Variants in HSDL2 observed in about 807,000 individuals in gnomAD.
The protein encoded by HSDL2 is hydroxysteroid dehydrogenase like 2.
A neutral mutation model predicts 46.3 loss-of-function variants in HSDL2; 27 were observed. That is an observed-to-expected ratio of 0.58 (90% CI 0.43 to 0.80). The LOEUF (loss-of-function observed/expected upper bound fraction) is 0.80. HSDL2 is among the 30% of genes least tolerant of loss of function. The pLI is 0.00. For missense variants in HSDL2, 451 were observed against 502.7 expected, an observed-to-expected ratio of 0.90 and a Z score of 0.98; for synonymous variants, 153 against 163.6, an observed-to-expected ratio of 0.94 and a Z score of 0.50.
chr9:112,457,308 T>A (rs1833060934), intron 9 of HSDL2, among the ~76,000 whole-genome samples: 2 of 152,150 alleles, frequency 1.3e-5, no homozygotes, highest in African/African-American at 4.8e-5. Flanking sequence ...GCTGAAGCAG[T>A]CTCTGCCCCT....
intron 1 of HSDL2, among the ~76,000 whole-genome samples, chr9:112,399,887 G>A (rs974267409): frequency 2.0e-5 from 3 of 151,948 alleles, no homozygotes; most frequent in African/African-American, 4.8e-5. Flanking sequence ...TTTACAATCA[G>A]TTTGTACAGT....
intron 6 of HSDL2, among the ~76,000 whole-genome samples, chr9:112,425,495 C>A (rs1258908599): frequency 1.3e-5 from 2 of 152,046 alleles, no homozygotes; most frequent in African/African-American, 4.8e-5. Flanking sequence ...AAGTAATCTA[C>A]CTAGATACTC....
chr9:112,406,422 T>G (rs1259408827), intron 3 of HSDL2, among the ~76,000 whole-genome samples: 1 of 152,078 alleles, frequency 6.6e-6, no homozygotes, highest in East Asian at 1.9e-4. Context: ...CAAAGTCAGT[T>G]CCCTCACCAT....
At chr9:112,465,460 T>C (rs1190430570) in intron 10 of HSDL2, among the ~76,000 whole-genome samples, 1 of 152,118 alleles carries the variant, frequency 6.6e-6, no homozygotes, top group Non-Finnish European at 1.5e-5. Flanking sequence ...TACAGTTCAG[T>C]GACATTTAAT....
chr9:112,391,964 C>A (rs376812632), intron 1 of HSDL2, among the ~76,000 whole-genome samples: 3 of 151,850 alleles, frequency 2.0e-5, no homozygotes, highest in Non-Finnish European at 2.9e-5. Flanking sequence ...ATTGGGGGAA[C>A]CTGCCCCAAG....
chr9:112,402,316 G>A (rs991836821), intron 1 of HSDL2, among the ~76,000 whole-genome samples: 21 of 152,104 alleles, frequency 1.4e-4, no homozygotes, highest in Non-Finnish European at 1.6e-4. Flanking sequence ...TGAAATGGGG[G>A]GAGGCCAGGG....
At chr9:112,457,657 A>AT (rs1270910875) in intron 9 of HSDL2, among the ~76,000 whole-genome samples, 1 of 152,164 alleles carries the variant, frequency 6.6e-6, no homozygotes, top group Admixed American at 6.5e-5. Flanking sequence ...AAAATTAAAA[A>AT]TCAAGCAATC....
intron 1 of HSDL2, among the ~76,000 whole-genome samples, chr9:112,382,952 T>G (rs1193756754): frequency 6.6e-6 from 1 of 152,058 alleles, no homozygotes; most frequent in Non-Finnish European, 1.5e-5. Context: ...TTTTTTTTTT[T>G]TTTTGAGATG....
intron 4 of HSDL2, among the ~76,000 whole-genome samples, chr9:112,411,606 C>T (rs564527501): frequency 2.6e-5 from 4 of 152,114 alleles, no homozygotes; most frequent in East Asian, 1.9e-4. Flanking sequence ...ACCCAGGAGG[C>T]GGAGGCTGCA....
intron 1 of HSDL2, 47 bp from the exon 2 acceptor site, chr9:112,403,948 A>G (rs377428344): frequency 1.1e-5 from 17 of 1,568,162 alleles, no homozygotes; most frequent in Non-Finnish European, 1.4e-5. Flanking sequence ...CCTGTCAGTA[A>G]ATAAAACATT....
chr9:112,446,868 A>G (rs1379676292), intron 8 of HSDL2, among the ~76,000 whole-genome samples: 1 of 152,184 alleles, frequency 6.6e-6, no homozygotes, highest in African/African-American at 2.4e-5. Flanking sequence ...GAAAAGTAGC[A>G]TGTGTAAAAC....
chr9:112,467,780 T>C (rs1274309062), intron 10 of HSDL2, among the ~76,000 whole-genome samples: 1 of 152,192 alleles, frequency 6.6e-6, no homozygotes, highest in Non-Finnish European at 1.5e-5. Context: ...ATGTATCAGC[T>C]TGTGTCAGTC....
chr9:112,416,894 A>G lies in HSDL2; in HGVS notation c.449A>G (p.Asn150Ser), dbSNP rs775369498. ...LKKSKVAHIL[N>S]ISPPLNLNPV... is the part of the protein sequence containing the mutation. The stretch of plus-strand genomic sequence containing the variant: ...AAGAGCAAAGTTGCTCATATCCTCA[A>G]TATCAGTCCACCACTGAACCTAAAT... Residue 150 changes from asparagine (N) to serine (S), a missense_variant, in exon 5 of 11, where the codon AAT (asparagine) becomes AGT (serine). Transcript: ENST00000398805. 5 of 1,607,436 alleles carry G rather than the reference A, an allele frequency of 3.1e-6. No homozygotes were observed. The highest frequency in any genetic ancestry group is 2.7e-5 in the African/African-American group (2 of 74,784).
intron 10 of HSDL2, among the ~76,000 whole-genome samples, chr9:112,462,600 A>ATGTGTGTGTGTGTGTG (rs3032131): frequency 6.8e-6 from 1 of 146,630 alleles, no homozygotes; most frequent in Non-Finnish European, 1.5e-5. Flanking sequence ...GAGGAGGGGG[A>ATGTGTGTGTGTGTGTG]TGTGTGTGTG....
At chr9:112,415,600 T>G (rs1831972544) in intron 4 of HSDL2, among the ~76,000 whole-genome samples, 1 of 152,126 alleles carries the variant, frequency 6.6e-6, no homozygotes, top group Admixed American at 6.6e-5. Flanking sequence ...ATTACATATG[T>G]GTGTTAGGGA....
At chr9:112,452,781 A>AGCATC (rs1195996323) in intron 8 of HSDL2, among the ~76,000 whole-genome samples, 4 of 152,134 alleles carry the variant, frequency 2.6e-5, no homozygotes, top group Admixed American at 6.6e-5. Context: ...ATTGGGGGGC[A>AGCATC]GCATCATGAT....
intron 8 of HSDL2, among the ~76,000 whole-genome samples, chr9:112,452,934 AG>A (rs1302658313): frequency 6.6e-6 from 1 of 152,122 alleles, no homozygotes; most frequent in Non-Finnish European, 1.5e-5. Context: ...GTTTCCAGAG[AG>A]GGCAGCCTGT....
Position 112,408,786 on chromosome 9 carries a change from A to G in HSDL2, c.281-121A>G, listed in dbSNP as rs1351310312. 9.0e-6 allele frequency: 5 copies of G among 555,860 alleles called. No homozygotes were observed. The East Asian group carries it at 1.5e-4, about 17-fold the overall frequency. The allele number at this position is 555,860 out of a possible 1,614,324, so 34.4% of individuals were successfully genotyped here. A position where few individuals can be genotyped will look rare whatever the true frequency, so the allele number is the denominator to read the frequency against. On this transcript the variant is annotated intron_variant, in intron 3 of 10. Transcript: ENST00000398805. Reference sequence around the variant, plus strand: ...GCGTATATGGGCCATTGTTGATTGAAATGTTAGGTGTGGTACATGACTGTA... The same window carrying G: ...GCGTATATGGGCCATTGTTGATTGAGATGTTAGGTGTGGTACATGACTGTA...
intron 1 of HSDL2, among the ~76,000 whole-genome samples, chr9:112,385,196 A>G (rs1192419996): frequency 6.6e-6 from 1 of 152,240 alleles, no homozygotes; most frequent in African/African-American, 2.4e-5. Flanking sequence ...TTTCACATAC[A>G]TAGAGTGTTT....
Sources: gnomAD v4.1 joint callset for allele counts (sites outside exome capture counted in the v4.1 genomes callset) on GRCh38, gnomAD v4.1.1 for gene constraint, MANE v1.5 for transcripts, NCBI Gene and HGNC (gene_info 2026-07-23, HGNC 2026-07-21) for gene names.